The following PSMD1 variants were observed in gnomAD, a reference collection of about 807,000 sequenced individuals.
The protein encoded by PSMD1 is proteasome 26S subunit, non-ATPase 1.
In PSMD1, 18 loss-of-function variants were observed where a neutral mutation model predicts 119.0. The ratio of observed to expected loss-of-function variants is 0.15; its 90% CI spans 0.10 to 0.22. PSMD1 has a LOEUF of 0.22. PSMD1 is among the 10% of genes least tolerant of loss of function. The pLI is 1.00. For missense variants in PSMD1, 702 were observed against 1,158.5 expected (o/e 0.61, Z 5.72); for synonymous variants, 374 against 396.6 (o/e 0.94, Z 0.68).
At chr2:231,057,146 C>T in intron 1 of PSMD1, 105 bp downstream of exon 1, 2 of 1,368,640 alleles carry the variant, frequency 1.5e-6, no homozygotes, top group Non-Finnish European at 1.9e-6. Flanking sequence ...GAACGCCGGC[C>T]TGGGCAGCTT....
chr2:231,165,388 C>T, intron 22 of PSMD1, 102 bp downstream of exon 22: 1 of 1,299,834 alleles, frequency 7.7e-7, no homozygotes, highest in Non-Finnish European at 1.0e-6. Flanking sequence ...TCTTGGCTTC[C>T]TTCAAACAAT....
chr2:231,106,657 T>G (rs1186142142), intron 16 of PSMD1, among the ~76,000 whole-genome samples: 1 of 152,152 alleles, frequency 6.6e-6, no homozygotes, highest in African/African-American at 2.4e-5. Flanking sequence ...GAAATTTTTC[T>G]TAAGGGTTTG....
intron 23 of PSMD1, among the ~76,000 whole-genome samples, chr2:231,169,093 AC>A (rs1054751259): frequency 5.9e-5 from 9 of 152,298 alleles, no homozygotes; most frequent in African/African-American, 2.2e-4. Context: ...ACAAACCTAG[AC>A]CATGTATAGC....
chr2:231,079,492 C>A lies in PSMD1; in HGVS notation c.1161-44C>A, dbSNP rs1278710488. On this transcript the variant is annotated intron_variant, in intron 10 of 24. Coordinates refer to ENST00000308696, the MANE Select transcript of PSMD1 (RefSeq NM_002807.4). ...TAGAGTTAAAAAGCTTTAAGGAATT[C>A]ATTTGTTTTAACACTAATTAAAATA... 3.0e-6 allele frequency: 4 copies of A among 1,339,990 alleles called. No homozygotes were observed. The Admixed American group carries it at 7.8e-5, about 26-fold the overall frequency. The allele number at this position is 1,339,990 out of a possible 1,614,324, so 83.0% of individuals were successfully genotyped here. A position where few individuals can be genotyped will look rare whatever the true frequency, so the allele number is the denominator to read the frequency against.
At chr2:231,061,783 C>T (rs946546035) in intron 2 of PSMD1, among the ~76,000 whole-genome samples, 5 of 152,042 alleles carry the variant, frequency 3.3e-5, no homozygotes, top group African/African-American at 1.2e-4. Flanking sequence ...AGGTTGATCT[C>T]AAACTCCTGC....
At chr2:231,059,018 T>TA (rs2125148323) in intron 1 of PSMD1, among the ~76,000 whole-genome samples, 2 of 152,310 alleles carry the variant, frequency 1.3e-5, no homozygotes, top group Admixed American at 1.3e-4. Context: ...AGAATACTGC[T>TA]GAGAGCATGG....
intron 16 of PSMD1, among the ~76,000 whole-genome samples, chr2:231,120,507 A>G (rs1407709353): frequency 1.3e-5 from 2 of 152,244 alleles, no homozygotes; most frequent in African/African-American, 4.8e-5. Context: ...AAGAAGTGGC[A>G]GAAAAATTGA....
intron 17 of PSMD1, 57 bp downstream of exon 17, chr2:231,138,907 G>A (rs774131601): frequency 9.7e-5 from 125 of 1,294,448 alleles, no homozygotes; most frequent in Non-Finnish European, 1.2e-4. Flanking sequence ...GTTTTCCCTC[G>A]CCGCAGAATT....
chr2:231,118,615 G>A (rs910395319), intron 16 of PSMD1, among the ~76,000 whole-genome samples: 46 of 152,034 alleles, frequency 3.0e-4, no homozygotes, highest in African/African-American at 1.0e-3. Flanking sequence ...TTTTGAATTA[G>A]TACAAAAACC....
chr2:231,083,867 C>T (rs1444706152), intron 14 of PSMD1, 104 bp downstream of exon 14: 4 of 1,147,146 alleles, frequency 3.5e-6, no homozygotes, highest in Non-Finnish European at 4.9e-6. Flanking sequence ...TGTAGGTACA[C>T]TTATTCATAA....
intron 16 of PSMD1, chr2:231,133,744 A>G (rs1695905331): frequency 1.3e-5 from 2 of 152,222 alleles, no homozygotes; most frequent in African/African-American, 4.8e-5. Context: ...GAGGGGGAAA[A>G]GAAAGACACC....
chr2:231,066,353 A>T (rs1019725328), intron 4 of PSMD1, among the ~76,000 whole-genome samples: 3 of 152,250 alleles, frequency 2.0e-5, no homozygotes, highest in Non-Finnish European at 4.4e-5. Flanking sequence ...AGTTTCATTA[A>T]TGCAAAGAAG....
intron 16 of PSMD1, among the ~76,000 whole-genome samples, chr2:231,126,531 A>G (rs559759480): frequency 5.3e-5 from 8 of 152,348 alleles, no homozygotes; most frequent in African/African-American, 1.7e-4. Context: ...GAAGGCAGGT[A>G]GGGATCTGCA....
At chr2:231,143,997 AT>A (rs1559248630) in intron 17 of PSMD1, among the ~76,000 whole-genome samples, 1 of 151,974 alleles carries the variant, frequency 6.6e-6, no homozygotes, top group Admixed American at 6.6e-5. Flanking sequence ...TTGTTTGTTT[AT>A]TTTTTTGTCT....
intron 5 of PSMD1, 48 bp from the exon 6 acceptor site, chr2:231,069,977 A>C (rs775690392): frequency 1.6e-6 from 2 of 1,280,242 alleles, no homozygotes; most frequent in Non-Finnish European, 2.0e-6. Flanking sequence ...AATAAATATA[A>C]TGCTGCAATA....
At chr2:231,113,689 G>T in intron 16 of PSMD1, 2 of 1,576,842 alleles carry the variant, frequency 1.3e-6, no homozygotes, top group South Asian at 1.1e-5. Context: ...TGGAACCAAA[G>T]ATTTTGTATA....
rs965658317 is a variant in PSMD1 at position 231,079,930 on chromosome 2, A to AT, written c.1240-199dup. 2.1e-3 allele frequency among the ~76,000 whole-genome samples: 312 copies of AT among 147,170 alleles called. 1 individual carries two copies. Among genetic ancestry groups the AT allele is most frequent in the Middle Eastern group, 0.011 (3 of 282 alleles). ...AAGGGAAAAAATTGAAGCATTTGTG[A>AT]TTTTTTTTTTTTCTAACCAGAGTGT... is the stretch of plus-strand genomic sequence containing the variant. On this transcript the variant is annotated intron_variant, in intron 11 of 24. Coordinates refer to ENST00000308696, the MANE Select transcript of PSMD1 (RefSeq NM_002807.4).
chr2:231,082,484 A>G (rs999596653), intron 12 of PSMD1, among the ~76,000 whole-genome samples: 1 of 152,180 alleles, frequency 6.6e-6, no homozygotes, highest in Admixed American at 6.5e-5. Context: ...TGGGTGGATC[A>G]CCTGAGGTCA....
chr2:231,118,832 G>A (rs745780527), intron 16 of PSMD1, among the ~76,000 whole-genome samples: 3 of 152,176 alleles, frequency 2.0e-5, no homozygotes, highest in Non-Finnish European at 2.9e-5. Flanking sequence ...TTCCAAGTGG[G>A]CTGTTCCTAT....
Sources: allele counts gnomAD v4.1 joint callset (sites outside exome capture counted in the v4.1 genomes callset), GRCh38; gene constraint gnomAD v4.1.1; transcripts MANE v1.5; gene names NCBI Gene and HGNC (gene_info 2026-07-23, HGNC 2026-07-21).